Variants in GRM5 observed in about 807,000 individuals in gnomAD.
The protein encoded by GRM5 is glutamate metabotropic receptor 5, also known as metabotropic glutamate receptor 5.
A neutral mutation model predicts 83.1 loss-of-function variants in GRM5; 19 were observed. The observed-to-expected ratio is 0.23, with a 90% CI of 0.16 to 0.34. The LOEUF is 0.34. GRM5 is among the 10% of genes least tolerant of loss of function. The pLI is 1.00. For synonymous variants in GRM5, 675 were observed against 633.6 expected (o/e 1.07, Z -0.98); for missense variants, 1,160 against 1,588.3 (o/e 0.73, Z 4.58).
At position 88,652,618 on chromosome 11, in the gene GRM5, T is replaced by C. The variant is rs929383416; in HGVS notation, c.1147+550A>G. Among the ~76,000 whole-genome samples, 3 of 152,090 alleles carry C rather than the reference T, an allele frequency of 2.0e-5. No homozygotes were observed. The East Asian group carries it at 5.8e-4, about 29-fold the overall frequency. Reference sequence around the variant, plus strand: ...TGGTACATTCTTAGCATCTTATAAGTATTTGTTGAATGCTTGAATGAATGG... The same window carrying C: ...TGGTACATTCTTAGCATCTTATAAGCATTTGTTGAATGCTTGAATGAATGG... On this transcript the variant is annotated intron_variant, in intron 4 of 9. Coordinates refer to ENST00000305447, the MANE Select transcript of GRM5 (RefSeq NM_001143831.3).
intron 3 of GRM5, among the ~76,000 whole-genome samples, chr11:88,702,475 C>T (rs1392367826): frequency 6.6e-6 from 1 of 151,964 alleles, no homozygotes; most frequent in Non-Finnish European, 1.5e-5. Context: ...TGTTGTGATC[C>T]CAAAAAGAAA....
At chr11:88,814,930 A>T (rs1462006625) in intron 3 of GRM5, among the ~76,000 whole-genome samples, 2 of 152,220 alleles carry the variant, frequency 1.3e-5, no homozygotes, top group African/African-American at 4.8e-5. Flanking sequence ...TGTAAAATAC[A>T]TAAAGCAAAA....
chr11:88,742,851 C>T (rs914624643), intron 3 of GRM5, among the ~76,000 whole-genome samples: 2 of 152,044 alleles, frequency 1.3e-5, no homozygotes, highest in Non-Finnish European at 1.5e-5. Context: ...ACTGCTTCTA[C>T]AGAGTGTTGG....
At chr11:88,731,180 A>G (rs1941799416) in intron 3 of GRM5, among the ~76,000 whole-genome samples, 3 of 152,024 alleles carry the variant, frequency 2.0e-5, no homozygotes, top group Admixed American at 2.0e-4. Flanking sequence ...CACTTATCAT[A>G]TGGACAAGGT....
chr11:88,909,660 C>T (rs1462490789), intron 2 of GRM5, among the ~76,000 whole-genome samples: 1 of 151,774 alleles, frequency 6.6e-6, no homozygotes, highest in East Asian at 1.9e-4. Context: ...GTTTCTTGGC[C>T]ATCCTCACTG....
intron 8 of GRM5, among the ~76,000 whole-genome samples, chr11:88,527,391 A>C (rs1941905431): frequency 6.6e-6 from 1 of 152,108 alleles, no homozygotes; most frequent in Non-Finnish European, 1.5e-5. Flanking sequence ...ACACTCTGCC[A>C]GGTGACCTCT....
At chr11:88,906,810 C>T (rs2135601493) in intron 2 of GRM5, among the ~76,000 whole-genome samples, 1 of 152,170 alleles carries the variant, frequency 6.6e-6, no homozygotes, top group East Asian at 1.9e-4. Context: ...CTCCATTGAG[C>T]CATTATATGA....
chr11:88,634,122 C>G (rs986433875), intron 4 of GRM5, among the ~76,000 whole-genome samples: 1 of 152,050 alleles, frequency 6.6e-6, no homozygotes, highest in African/African-American at 2.4e-5. Context: ...AAATGGTATA[C>G]TTCTATAGGA....
intron 2 of GRM5, among the ~76,000 whole-genome samples, chr11:89,028,129 T>C (rs1305429533): frequency 2.0e-5 from 3 of 152,172 alleles, no homozygotes; most frequent in Admixed American, 6.5e-5. Flanking sequence ...AGCCAATACA[T>C]TTCCGTTTAT....
intron 3 of GRM5, among the ~76,000 whole-genome samples, chr11:88,819,318 A>G (rs2135507251): frequency 6.6e-6 from 1 of 152,342 alleles, no homozygotes; most frequent in African/African-American, 2.4e-5. Context: ...AAATGACTAT[A>G]TACATTTACA....
At chr11:88,719,566 G>C (rs1941485101) in intron 3 of GRM5, among the ~76,000 whole-genome samples, 1 of 151,950 alleles carries the variant, frequency 6.6e-6, no homozygotes, top group African/African-American at 2.4e-5. Flanking sequence ...ACATATTTTG[G>C]GGTATATACC....
chr11:88,506,887 G>A lies in GRM5; in HGVS notation c.*1705C>T, dbSNP rs562447267. 2 of 152,160 alleles carry A rather than the reference G, an allele frequency of 1.3e-5. No individual in the cohort carries two copies. Among genetic ancestry groups the A allele is most frequent in the South Asian group, 4.1e-4 (2 of 4,826 alleles). 9.4% of individuals were successfully genotyped at this position (152,160 alleles called of 1,614,324 possible). On this transcript the variant is annotated 3_prime_UTR_variant, in exon 10 of 10. Coordinates refer to ENST00000305447, the MANE Select transcript of GRM5 (RefSeq NM_001143831.3). ...TAAGGATATTGAGCTAAAAGAAAAA[G>A]TTTTATTTATTATTCTCTCTGCCAA...
At chr11:88,851,990 A>AT (rs747157603) in intron 2 of GRM5, among the ~76,000 whole-genome samples, 60 of 152,190 alleles carry the variant, frequency 3.9e-4, no homozygotes, top group Non-Finnish European at 7.4e-4. Context: ...TCTTTCATTT[A>AT]TTTTTAGCTA....
intron 3 of GRM5, among the ~76,000 whole-genome samples, chr11:88,654,265 T>C (rs930386388): frequency 6.6e-6 from 1 of 152,112 alleles, no homozygotes; most frequent in African/African-American, 2.4e-5. Flanking sequence ...AGTAAAGTCT[T>C]CTACAATGAT....
chr11:89,050,015 T>A (rs930729411), intron 1 of GRM5, among the ~76,000 whole-genome samples: 6 of 152,166 alleles, frequency 3.9e-5, no homozygotes, highest in African/African-American at 1.4e-4. Flanking sequence ...ACACGACTCA[T>A]TTTTTATGTA....
chr11:88,525,329 A>G lies in GRM5; in HGVS notation c.2706T>C (p.Gly902=), dbSNP rs1389092152. Reference sequence around the variant, plus strand: ...CTTACCTGCTCATTGTTGCTCTCCCACCATTCCCCATACTCCCTTTGGGGG... The same window carrying G: ...CTTACCTGCTCATTGTTGCTCTCCCGCCATTCCCCATACTCCCTTTGGGGG... ...CFTPKGSMGN[G]GRATMSSSNG... Residue 902 remains glycine, a synonymous_variant, in exon 9 of 10, where the codon GGT becomes GGC. Coordinates refer to ENST00000305447, the MANE Select transcript of GRM5 (RefSeq NM_001143831.3). 2.5e-6 allele frequency: 4 copies of G among 1,606,988 alleles called. No homozygotes were observed. The highest frequency in any genetic ancestry group is 3.4e-6 in the Non-Finnish European group (4 of 1,173,868).
At chr11:88,740,251 A>T (rs1379410816) in intron 3 of GRM5, among the ~76,000 whole-genome samples, 4 of 152,014 alleles carry the variant, frequency 2.6e-5, no homozygotes, top group Non-Finnish European at 5.9e-5. Flanking sequence ...ATTTTTTTCC[A>T]TCTTTTTAAC....
rs568642305 is a variant in GRM5 at position 88,735,780 on chromosome 11, G to A, written c.912-82377C>T. 4.6e-5 allele frequency among the ~76,000 whole-genome samples: 7 copies of A among 152,036 alleles called. No individual in the cohort carries two copies. In the South Asian group the frequency reaches 6.2e-4, roughly 13 times the overall value. ...ACCATGTCAAAATGTCAGACCGTTC[G>A]GGAGACATTGACTGCGTTAATACTG... On this transcript the variant is annotated intron_variant, in intron 3 of 9. Coordinates refer to ENST00000305447, the MANE Select transcript of GRM5 (RefSeq NM_001143831.3).
chr11:88,858,897 T>G lies in GRM5; in HGVS notation c.662-8742A>C, dbSNP rs115657459. ...TATTTGGGAGTCCTCAGTATATGGATAGCAACAATAATAGATAAAAGTGTA... is the reference window on the plus strand; with the variant it reads ...TATTTGGGAGTCCTCAGTATATGGAGAGCAACAATAATAGATAAAAGTGTA... On this transcript the variant is annotated intron_variant, in intron 2 of 9. Coordinates refer to ENST00000305447, the MANE Select transcript of GRM5 (RefSeq NM_001143831.3). Among the ~76,000 whole-genome samples the G allele has an allele frequency of 1.5e-3, 232 of 152,104 alleles. 1 individual carries two copies. The highest frequency in any genetic ancestry group is 5.2e-3 in the African/African-American group (217 of 41,534).
Sources: gnomAD v4.1 joint callset for allele counts (sites outside exome capture counted in the v4.1 genomes callset) on GRCh38, gnomAD v4.1.1 for gene constraint, MANE v1.5 for transcripts, NCBI Gene and HGNC (gene_info 2026-07-23, HGNC 2026-07-21) for gene names.